Variants in HNRNPC observed in about 807,000 individuals in gnomAD.
The protein encoded by HNRNPC is heterogeneous nuclear ribonucleoprotein C.
In HNRNPC, 3 loss-of-function variants were observed where a neutral mutation model predicts 33.2. That is an observed-to-expected ratio of 0.09 (90% CI 0.04 to 0.23). The LOEUF is 0.23. HNRNPC is among the 10% of genes least tolerant of loss of function. The pLI is 1.00. For synonymous variants in HNRNPC, 121 were observed against 126.7 expected, an observed-to-expected ratio of 0.96 and a Z score of 0.30; for missense variants, 143 against 366.7, an observed-to-expected ratio of 0.39 and a Z score of 4.98.
intron 2 of HNRNPC, among the ~76,000 whole-genome samples, chr14:21,250,375 T>C (rs188844901): frequency 5.9e-5 from 9 of 152,186 alleles, no homozygotes; most frequent in African/African-American, 1.2e-4. Context: ...GGAAGGTATA[T>C]TAAGAATTCA....
intron 1 of HNRNPC, among the ~76,000 whole-genome samples, chr14:21,265,817 G>GA (rs1878882301): frequency 6.6e-6 from 1 of 152,014 alleles, no homozygotes; most frequent in South Asian, 2.1e-4. Context: ...GATAGTTTTA[G>GA]AAAAAAAGTA....
At chr14:21,231,095 T>TTAA in intron 3 of HNRNPC, 23 bp from the exon 4 acceptor site, 1 of 1,594,552 alleles carries the variant, frequency 6.3e-7, no homozygotes, top group Middle Eastern at 1.7e-4. Context: ...AGTAAAAATG[T>TTAA]TAATGACAAC....
chr14:21,263,278 G>A (rs1017624234), intron 2 of HNRNPC, 33 bp downstream of exon 2: 3 of 151,894 alleles, frequency 2.0e-5, no homozygotes, highest in African/African-American at 7.3e-5. Context: ...GGAAAGTCAG[G>A]AAAAATGTTA....
intron 3 of HNRNPC, among the ~76,000 whole-genome samples, chr14:21,231,656 A>G (rs889161695): frequency 1.3e-5 from 2 of 152,172 alleles, no homozygotes; most frequent in African/African-American, 4.8e-5. Context: ...CTAAGGCTTC[A>G]TCTTCCGTTT....
At chr14:21,251,663 CAG>C (rs750707365) in intron 2 of HNRNPC, among the ~76,000 whole-genome samples, 1 of 151,852 alleles carries the variant, frequency 6.6e-6, no homozygotes, top group Non-Finnish European at 1.5e-5. Context: ...GCCTGGGCAA[CAG>C]AGACTCCGTC....
chr14:21,266,714 A>C (rs1879038559), intron 1 of HNRNPC, among the ~76,000 whole-genome samples: 1 of 150,978 alleles, frequency 6.6e-6, no homozygotes, highest in African/African-American at 2.4e-5. Flanking sequence ...TTAAGAGCAA[A>C]TAATGCTCCC....
chr14:21,266,158 T>G (rs1878944268), intron 1 of HNRNPC, among the ~76,000 whole-genome samples: 1 of 152,144 alleles, frequency 6.6e-6, no homozygotes, highest in Non-Finnish European at 1.5e-5. Context: ...CAGGCTGGAG[T>G]GCAGTGGTGC....
chr14:21,246,908 TTA>T (rs1045487001), intron 2 of HNRNPC, among the ~76,000 whole-genome samples: 6 of 152,240 alleles, frequency 3.9e-5, no homozygotes, highest in African/African-American at 1.4e-4. Context: ...CTTCTGCTCC[TTA>T]ATAACTTTTT....
rs1891391693 is a variant in HNRNPC at position 21,209,165 on chromosome 14, TTTTAATGTAGAGATGATTTAAAA to T, written c.*2035_*2057del. ...CATACCATTTACATTTTATCAGGTA[TTTTAATGTAGAGATGATTTAAAA>T]TATACAGGAGAATATGCATAGGTTA... On this transcript the variant is annotated 3_prime_UTR_variant, in exon 9 of 9. Transcript: ENST00000553300. 1 of 152,212 alleles carries T rather than the reference TTTTAATGTAGAGATGATTTAAAA, an allele frequency of 6.6e-6. No individual in the cohort carries two copies. Among genetic ancestry groups the T allele is most frequent in the Admixed American group, 6.5e-5 (1 of 15,278 alleles). The allele number at this position is 152,212 out of a possible 1,614,324, so 9.4% of individuals were successfully genotyped here.
rs1350337764 is a variant in HNRNPC at position 21,210,520 on chromosome 14, T to A, written c.*703A>T. 1 of 151,870 alleles carries A rather than the reference T, an allele frequency of 6.6e-6. No individual in the cohort carries two copies. The highest frequency in any genetic ancestry group is 2.4e-5 in the African/African-American group (1 of 41,210). 9.4% of individuals were successfully genotyped at this position (151,870 alleles called of 1,614,324 possible). A position where few individuals can be genotyped will look rare whatever the true frequency, so the allele number is the denominator to read the frequency against. On this transcript the variant is annotated 3_prime_UTR_variant, in exon 9 of 9. Coordinates refer to ENST00000553300, the MANE Select transcript of HNRNPC (RefSeq NM_004500.4). ...AAACAAAGTTTGAAGTAAACAATAA[T>A]AAAATACAAAAATAAAAAACCAGGG...
At chr14:21,234,407 TATA>T (rs1333509980) in intron 2 of HNRNPC, among the ~76,000 whole-genome samples, 178 bp from the exon 3 acceptor site, 1 of 152,158 alleles carries the variant, frequency 6.6e-6, no homozygotes, top group Non-Finnish European at 1.5e-5. Context: ...AGCCTCTGAA[TATA>T]CTCTAGAAAG....
Position 21,251,708 on chromosome 14 carries a change from T to C in HNRNPC, c.-37+11603A>G, listed in dbSNP as rs185430763. Among the ~76,000 whole-genome samples, 814 of 151,980 alleles carry C rather than the reference T, an allele frequency of 5.4e-3. 8 individuals are homozygous for C. The highest frequency in any genetic ancestry group is 0.018 in the African/African-American group (754 of 41,454). ...AAAAAGACACACGTATTAGGAAAAA[T>C]AGTCTCAGATTTTAGAAATACTATG... On this transcript the variant is annotated intron_variant, in intron 2 of 8. Coordinates refer to ENST00000553300, the MANE Select transcript of HNRNPC (RefSeq NM_004500.4).
chr14:21,211,381 T>C (rs1234461180), intron 8 of HNRNPC, 25 bp downstream of exon 8: 8 of 1,392,960 alleles, frequency 5.7e-6, no homozygotes, highest in Non-Finnish European at 7.7e-6. Flanking sequence ...CACCACCTTT[T>C]TCTTTCCTTT....
At chr14:21,261,090 T>C (rs1460968356) in intron 2 of HNRNPC, among the ~76,000 whole-genome samples, 1 of 152,038 alleles carries the variant, frequency 6.6e-6, no homozygotes, top group Non-Finnish European at 1.5e-5. Context: ...AGCCTTCCAA[T>C]TAGTTGTGAC....
chr14:21,267,526 G>GA (rs1491094712), intron 1 of HNRNPC, among the ~76,000 whole-genome samples: 1 of 151,466 alleles, frequency 6.6e-6, no homozygotes, highest in Admixed American at 6.6e-5. Context: ...AAGTATTCCC[G>GA]AGAGTGGCAC....
At chr14:21,261,251 T>G (rs1476509534) in intron 2 of HNRNPC, among the ~76,000 whole-genome samples, 1 of 152,180 alleles carries the variant, frequency 6.6e-6, no homozygotes, top group Non-Finnish European at 1.5e-5. Context: ...AAACTATTTT[T>G]TATATCCCCA....
intron 2 of HNRNPC, among the ~76,000 whole-genome samples, chr14:21,249,482 G>C (rs1896371126): frequency 6.6e-6 from 1 of 151,254 alleles, no homozygotes; most frequent in Non-Finnish European, 1.5e-5. Context: ...AGCTACTTGG[G>C]AGGCTGAGGC....
intron 6 of HNRNPC, 187 bp from the exon 7 acceptor site, chr14:21,212,110 T>G: frequency 1.8e-6 from 1 of 555,264 alleles, no homozygotes; most frequent in Non-Finnish European, 3.2e-6. Flanking sequence ...TGGTTTTTAT[T>G]GTTTTTAATG....
At chr14:21,235,585 A>G (rs997323384) in intron 2 of HNRNPC, among the ~76,000 whole-genome samples, 44 of 152,312 alleles carry the variant, frequency 2.9e-4, no homozygotes, top group African/African-American at 1.0e-3. Context: ...AAACTTCTTA[A>G]TATTTTAACA....
Sources: gnomAD v4.1 joint callset for allele counts (sites outside exome capture counted in the v4.1 genomes callset) on GRCh38, gnomAD v4.1.1 for gene constraint, MANE v1.5 for transcripts, NCBI Gene and HGNC (gene_info 2026-07-23, HGNC 2026-07-21) for gene names.